ELF5: variants seen among roughly 807,000 people sequenced by gnomAD.
ELF5 encodes the protein E74 like ETS transcription factor 5.
ELF5 carries 31 observed loss-of-function variants against 38.2 expected under a neutral mutation model. That is an observed-to-expected ratio of 0.81 (90% CI 0.61 to 1.10). ELF5 has a LOEUF of 1.10. Ranked by LOEUF, ELF5 falls within the 50% of genes least tolerant of loss-of-function variation. The pLI is 0.00. For missense variants in ELF5, 300 were observed against 306.6 expected (o/e 0.98, Z 0.16); for synonymous variants, 121 against 112.5 (o/e 1.08, Z -0.48).
At chr11:34,483,864 T>G (rs1225248192) in intron 4 of ELF5, among the ~76,000 whole-genome samples, 1 of 44,638 alleles carries the variant, frequency 2.2e-5, no homozygotes, top group Non-Finnish European at 4.9e-5. Context: ...TACTAACTAT[T>G]CTATTACTGT....
At chr11:34,491,282 T>C (rs2133882544) in intron 3 of ELF5, among the ~76,000 whole-genome samples, 1 of 152,276 alleles carries the variant, frequency 6.6e-6, no homozygotes, top group South Asian at 2.1e-4. Context: ...AGTGTGAACT[T>C]TGATCACAAT....
At chr11:34,508,794 TG>T (rs1691392808) in intron 1 of ELF5, among the ~76,000 whole-genome samples, 1 of 152,198 alleles carries the variant, frequency 6.6e-6, no homozygotes, top group Non-Finnish European at 1.5e-5. Context: ...AGGGAATTTG[TG>T]TAACTAGCTC....
chr11:34,510,961 C>G (rs1850738861), intron 1 of ELF5, among the ~76,000 whole-genome samples: 3 of 152,254 alleles, frequency 2.0e-5, no homozygotes, highest in Middle Eastern at 3.4e-3. Flanking sequence ...GCTGGCTCAT[C>G]ATGGAAGGAG....
chr11:34,506,154 C>T (rs1048911440), intron 1 of ELF5, among the ~76,000 whole-genome samples: 4 of 152,154 alleles, frequency 2.6e-5, no homozygotes, highest in Non-Finnish European at 5.9e-5. Flanking sequence ...GAGATGCAGC[C>T]ATAAGAAAGA....
chr11:34,480,091 G>A lies in ELF5; in HGVS notation c.*127C>T. On this transcript the variant is annotated 3_prime_UTR_variant, in exon 7 of 7. Transcript: ENST00000257832. Reference sequence around the variant, plus strand: ...ATCCAAATGTAAGCTGAGATGTGGAGAAATTTTATCAGCATGTTTGCAGGT... The same window carrying A: ...ATCCAAATGTAAGCTGAGATGTGGAAAAATTTTATCAGCATGTTTGCAGGT... 1.3e-6 allele frequency: 1 copy of A among 755,148 alleles called. No individual in the cohort carries two copies. The highest frequency in any genetic ancestry group is 2.8e-5 in the Admixed American group (1 of 35,772). 46.8% of individuals were successfully genotyped at this position (755,148 alleles called of 1,614,324 possible).
chr11:34,489,382 G>A (rs1850100634), intron 4 of ELF5, among the ~76,000 whole-genome samples: 1 of 152,142 alleles, frequency 6.6e-6, no homozygotes, highest in African/African-American at 2.4e-5. Context: ...GGGGAATGGG[G>A]TTTGCCCAGG....
intron 3 of ELF5, chr11:34,492,454 G>A (rs900373565): frequency 1.3e-5 from 2 of 152,182 alleles, no homozygotes; most frequent in African/African-American, 2.4e-5. Context: ...GGTGGGGATC[G>A]TCCTATCTCC....
Position 34,479,880 on chromosome 11 carries a change from T to G in ELF5, c.*338A>C, listed in dbSNP as rs1484459697. On this transcript the variant is annotated 3_prime_UTR_variant, in exon 7 of 7. Transcript: ENST00000257832. Reference sequence around the variant, plus strand: ...TTGGGATGGGAGCATTGGATGTGTCTCTAATGGCAGAATTGAATAGTTTTT... The same window carrying G: ...TTGGGATGGGAGCATTGGATGTGTCGCTAATGGCAGAATTGAATAGTTTTT... The G allele has an allele frequency of 9.1e-6, 2 of 219,716 alleles. No individual in the cohort carries two copies. Among genetic ancestry groups the G allele is most frequent in the African/African-American group, 4.7e-5 (2 of 42,994 alleles). 13.6% of individuals were successfully genotyped at this position (219,716 alleles called of 1,614,324 possible).
At chr11:34,499,568 G>C (rs914393422) in intron 2 of ELF5, among the ~76,000 whole-genome samples, 1 of 152,212 alleles carries the variant, frequency 6.6e-6, no homozygotes, top group Non-Finnish European at 1.5e-5. Flanking sequence ...CAACAAAATA[G>C]ATATGCAGCA....
chr11:34,488,079 G>A (rs887325992), intron 4 of ELF5, among the ~76,000 whole-genome samples: 2 of 151,512 alleles, frequency 1.3e-5, no homozygotes, highest in Non-Finnish European at 3.0e-5. Context: ...GCTGTCCCTG[G>A]ACCCAGTTTA....
At position 34,479,063 on chromosome 11, in the gene ELF5, T is replaced by G. The variant is rs949672666; in HGVS notation, c.*1155A>C. 1 of 152,676 alleles carries G rather than the reference T, an allele frequency of 6.5e-6. No homozygotes were observed. Among genetic ancestry groups the G allele is most frequent in the Non-Finnish European group, 1.5e-5 (1 of 68,042 alleles). The allele number at this position is 152,676 out of a possible 1,614,324, so 9.5% of individuals were successfully genotyped here. ...CCAGTGATTGATGAGAAAATGTCAG[T>G]GCAGACTTTAACCTATGAACATTTA... On this transcript the variant is annotated 3_prime_UTR_variant, in exon 7 of 7. Coordinates refer to ENST00000257832, the MANE Select transcript of ELF5 (RefSeq NM_001422.4).
At chr11:34,495,049 T>C (rs903045564) in intron 2 of ELF5, among the ~76,000 whole-genome samples, 5 of 152,182 alleles carry the variant, frequency 3.3e-5, no homozygotes, top group Non-Finnish European at 7.3e-5. Flanking sequence ...TTGAAAGTCA[T>C]GAAGGACTTT....
intron 2 of ELF5, among the ~76,000 whole-genome samples, chr11:34,502,758 G>A (rs961624458): frequency 1.3e-5 from 2 of 152,234 alleles, no homozygotes; most frequent in Non-Finnish European, 2.9e-5. Flanking sequence ...TTCACTGGCC[G>A]CATGACTTGA....
chr11:34,502,172 C>A (rs1850488219), intron 2 of ELF5, among the ~76,000 whole-genome samples: 1 of 152,214 alleles, frequency 6.6e-6, no homozygotes, highest in South Asian at 2.1e-4. Flanking sequence ...CTCCAGGAGG[C>A]AGAGGAAAGC....
At chr11:34,510,402 T>G (rs1461067740) in intron 1 of ELF5, among the ~76,000 whole-genome samples, 7 of 151,662 alleles carry the variant, frequency 4.6e-5, no homozygotes, top group Admixed American at 4.6e-4. Context: ...CAGCATGCAG[T>G]AGGTGTGAGA....
chr11:34,508,252 A>G (rs1026250391), intron 1 of ELF5, among the ~76,000 whole-genome samples: 3 of 152,206 alleles, frequency 2.0e-5, no homozygotes, highest in Admixed American at 6.5e-5. Flanking sequence ...CTGTAATCCC[A>G]GCACTTTGGG....
At chr11:34,509,313 G>C (rs1006884968) in intron 1 of ELF5, among the ~76,000 whole-genome samples, 4 of 152,138 alleles carry the variant, frequency 2.6e-5, no homozygotes, top group African/African-American at 9.7e-5. Context: ...GGGTGACAGA[G>C]TGAGACTCTG....
At chr11:34,505,586 C>T in intron 2 of ELF5, 43 bp downstream of exon 2, 1 of 1,610,662 alleles carries the variant, frequency 6.2e-7, no homozygotes, top group Non-Finnish European at 8.5e-7. Context: ...CTGCCCTAGC[C>T]CATCCTGGCT....
At chr11:34,493,742 A>C in intron 2 of ELF5, 30 bp from the exon 3 acceptor site, 1 of 1,597,902 alleles carries the variant, frequency 6.3e-7, no homozygotes, top group South Asian at 1.1e-5. Flanking sequence ...AGTGAGGGAC[A>C]ACAGTCCCAA....
Sources: gnomAD v4.1 joint callset for allele counts (sites outside exome capture counted in the v4.1 genomes callset) on GRCh38, gnomAD v4.1.1 for gene constraint, MANE v1.5 for transcripts, NCBI Gene and HGNC (gene_info 2026-07-23, HGNC 2026-07-21) for gene names.